OPA1: variants seen among roughly 807,000 people sequenced by gnomAD.
The protein encoded by OPA1 is dynamin-like GTPase OPA1, mitochondrial.
A neutral mutation model predicts 152.9 loss-of-function variants in OPA1; 59 were observed. That is an observed-to-expected ratio of 0.39 (90% CI 0.31 to 0.48). OPA1 has a LOEUF of 0.48. OPA1 is among the 20% of genes least tolerant of loss of function. The pLI is 0.96. For missense variants in OPA1, 1,008 were observed against 1,216.8 expected (o/e 0.83, Z 2.55); for synonymous variants, 400 against 389.9 (o/e 1.03, Z -0.31).
At chr3:193,610,544 C>G (rs1300641566) in intron 1 of OPA1, among the ~76,000 whole-genome samples, 1 of 152,128 alleles carries the variant, frequency 6.6e-6, no homozygotes, top group African/African-American at 2.4e-5. Flanking sequence ...GCTGGGAGAA[C>G]CACTGCTCTC....
At chr3:193,666,959 T>C (rs1002526274) in intron 28 of OPA1, among the ~76,000 whole-genome samples, 23 of 152,316 alleles carry the variant, frequency 1.5e-4, no homozygotes, top group African/African-American at 4.8e-4. Context: ...CATTAAAGTG[T>C]ATAGCTTAAG....
intron 23 of OPA1, among the ~76,000 whole-genome samples, chr3:193,658,137 C>T (rs909902819): frequency 9.3e-5 from 14 of 150,846 alleles, no homozygotes; most frequent in African/African-American, 3.2e-4. Flanking sequence ...CCCAGCTACT[C>T]GGGAGGCTGA....
rs1722092755 is a variant in OPA1 at position 193,694,640 on chromosome 3, A to G, written c.*40A>G. ...CATAATCAGCTCTGCATACATCTGA[A>G]GAACAAAAACATCAACGTCTTTTGT... is the stretch of plus-strand genomic sequence containing the variant. On this transcript the variant is annotated 3_prime_UTR_variant, in exon 31 of 31. Coordinates refer to ENST00000361510, the MANE Select transcript of OPA1 (RefSeq NM_130837.3). 1 of 152,208 alleles carries G rather than the reference A, an allele frequency of 6.6e-6. No individual in the cohort carries two copies. The highest frequency in any genetic ancestry group is 2.4e-5 in the African/African-American group (1 of 41,452). The allele number at this position is 152,208 out of a possible 1,614,324, so 9.4% of individuals were successfully genotyped here.
At chr3:193,596,306 TTTTCC>T (rs59723526) in intron 1 of OPA1, among the ~76,000 whole-genome samples, 15,632 of 105,044 alleles carry the variant, frequency 0.15, 1,261 homozygotes, top group Middle Eastern at 0.2. Context: ...TTTTCTTTTC[TTTTCC>T]TTTCCTTTCC....
chr3:193,688,147 A>G (rs1721159809), intron 29 of OPA1, among the ~76,000 whole-genome samples: 2 of 152,118 alleles, frequency 1.3e-5, no homozygotes, highest in Non-Finnish European at 2.9e-5. Context: ...TCCCTTTGAA[A>G]ACCACAGCCC....
chr3:193,644,206 A>G, intron 16 of OPA1, 101 bp downstream of exon 16: 1 of 1,318,304 alleles, frequency 7.6e-7, no homozygotes, highest in Non-Finnish European at 1.1e-6. Flanking sequence ...ACAAAAAAAC[A>G]CCTTACAACT....
At chr3:193,629,140 C>T (rs544311127) in intron 7 of OPA1, among the ~76,000 whole-genome samples, 113 of 151,922 alleles carry the variant, frequency 7.4e-4, no homozygotes, top group Non-Finnish European at 1.3e-3. Context: ...CTCGAACTCC[C>T]GACCTCAGGT....
At chr3:193,623,608 A>G (rs984367764) in intron 6 of OPA1, among the ~76,000 whole-genome samples, 1 of 152,170 alleles carries the variant, frequency 6.6e-6, no homozygotes, top group African/African-American at 2.4e-5. Context: ...ATCATCTGTG[A>G]TTGTTAATGA....
At chr3:193,637,358 A>ATATG (rs1219053882) in intron 10 of OPA1, 77 bp downstream of exon 10, 5 of 833,168 alleles carry the variant, frequency 6.0e-6, no homozygotes, top group Non-Finnish European at 1.1e-5. Context: ...TTATGTGTAT[A>ATATG]TATGTACACA....
Position 193,629,101 on chromosome 3 carries a change from C to T in OPA1, c.790-2511C>T, listed in dbSNP as rs1183232030. On this transcript the variant is annotated intron_variant, in intron 7 of 30. Transcript: ENST00000361510. ...GCTAATTTTGTATTTTTAGTAGAGA[C>T]GGGGTTTCTTCATGTTGGTCAGGCT... Among the ~76,000 whole-genome samples the T allele has an allele frequency of 2.0e-5, 3 of 151,986 alleles. No individual in the cohort carries two copies. In the East Asian group the frequency reaches 5.9e-4, roughly 30 times the overall value.
intron 1 of OPA1, among the ~76,000 whole-genome samples, chr3:193,599,964 G>A (rs182381428): frequency 6.4e-4 from 98 of 152,206 alleles, no homozygotes; most frequent in Non-Finnish European, 1.2e-3. Context: ...TTTGAACGCA[G>A]TTTGAACACT....
At position 193,613,923 on chromosome 3, in the gene OPA1, AT is replaced by A. The variant is rs548260667; in HGVS notation, c.33-794del. ...GTCCCTTGTAATTAAAGGAATTAAT[AT>A]TTTTTAACTACTTAGAATCAGACTG... is the stretch of plus-strand genomic sequence containing the variant. On this transcript the variant is annotated intron_variant, in intron 1 of 30. Coordinates refer to ENST00000361510, the MANE Select transcript of OPA1 (RefSeq NM_130837.3). 41 of 518,830 alleles carry A rather than the reference AT, an allele frequency of 7.9e-5. No individual in the cohort carries two copies. In the East Asian group the frequency reaches 2.1e-3, roughly 27 times the overall value. The allele number at this position is 518,830 out of a possible 1,614,324, so 32.1% of individuals were successfully genotyped here. A position where few individuals can be genotyped will look rare whatever the true frequency, so the allele number is the denominator to read the frequency against.
At chr3:193,685,171 G>C (rs900917965) in intron 29 of OPA1, among the ~76,000 whole-genome samples, 3 of 151,960 alleles carry the variant, frequency 2.0e-5, no homozygotes, top group Non-Finnish European at 4.4e-5. Context: ...GCATGGTGAT[G>C]CCTGCCTGTA....
At chr3:193,652,246 G>A (rs1712668100) in intron 21 of OPA1, among the ~76,000 whole-genome samples, 1 of 152,120 alleles carries the variant, frequency 6.6e-6, no homozygotes, top group South Asian at 2.1e-4. Context: ...GCCAGGCATG[G>A]TGGTGCACGC....
At chr3:193,657,471 C>G (rs1006038985) in intron 23 of OPA1, among the ~76,000 whole-genome samples, 1 of 152,130 alleles carries the variant, frequency 6.6e-6, no homozygotes, top group Non-Finnish European at 1.5e-5. Flanking sequence ...TTGCAGTAAA[C>G]AGACTCTGAT....
At chr3:193,685,917 A>G (rs1173720208) in intron 29 of OPA1, among the ~76,000 whole-genome samples, 4 of 152,204 alleles carry the variant, frequency 2.6e-5, no homozygotes, top group Admixed American at 6.5e-5. Context: ...TCCAGTTATG[A>G]GGTTAACGGC....
chr3:193,657,094 C>T lies in OPA1; in HGVS notation c.2193C>T (p.Thr731=). 6.2e-7 allele frequency: 1 copy of T among 1,611,980 alleles called. No individual in the cohort carries two copies. The highest frequency in any genetic ancestry group is 1.3e-5 in the African/African-American group (1 of 74,816). ...AATAATTATAGGTTGCTTGGGAGAC[C>T]CTACAAGAAGAATTTTCCCGCTTTA... ...PNKAVEVAWE[T]LQEEFSRFMT... Residue 731 remains threonine, a synonymous_variant, in exon 23 of 31, where the codon ACC becomes ACT. Coordinates refer to ENST00000361510, the MANE Select transcript of OPA1 (RefSeq NM_130837.3).
intron 13 of OPA1, 139 bp downstream of exon 13, chr3:193,643,188 A>AT: frequency 2.2e-6 from 2 of 912,634 alleles, no homozygotes; most frequent in South Asian, 3.0e-5. Flanking sequence ...TCCAAATAAT[A>AT]TATCATTTTG....
At chr3:193,668,216 G>C in intron 29 of OPA1, 1 of 788,400 alleles carries the variant, frequency 1.3e-6, no homozygotes, top group Non-Finnish European at 2.0e-6. Context: ...TTTCCTGATA[G>C]AAAACGGGCT....
Sources: gnomAD v4.1 joint callset for allele counts (sites outside exome capture counted in the v4.1 genomes callset) on GRCh38, gnomAD v4.1.1 for gene constraint, MANE v1.5 for transcripts, NCBI Gene and HGNC (gene_info 2026-07-23, HGNC 2026-07-21) for gene names.